MIDEAS: variants seen among roughly 807,000 people sequenced by gnomAD.
MIDEAS encodes mitotic deacetylase associated SANT domain protein, also known as mitotic deacetylase-associated SANT domain protein.
A neutral mutation model predicts 102.7 loss-of-function variants in MIDEAS; 26 were observed. The ratio of observed to expected loss-of-function variants is 0.25; its 90% CI spans 0.19 to 0.35. The LOEUF is 0.35. Among genes scored for constraint, MIDEAS ranks in the 10% least tolerant of loss-of-function variants. MIDEAS has a pLI of 1.00. For synonymous variants in MIDEAS, 585 were observed against 591.0 expected (o/e 0.99, Z 0.15); for missense variants, 1,231 against 1,435.6 (o/e 0.86, Z 2.30).
At chr14:73,778,395 G>T (rs1038189228) in intron 1 of MIDEAS, among the ~76,000 whole-genome samples, 10 of 149,396 alleles carry the variant, frequency 6.7e-5, no homozygotes, top group Admixed American at 2.0e-4. Context: ...GGAAGGTCAC[G>T]ACTGTTGTGG....
chr14:73,779,570 A>ATATT (rs1161075287), intron 1 of MIDEAS, among the ~76,000 whole-genome samples: 25 of 60,132 alleles, frequency 4.2e-4, no homozygotes, highest in East Asian at 3.9e-3. Context: ...TATTATTATT[A>ATATT]TTATTTTTTT....
At chr14:73,745,414 G>T (rs731222) in intron 1 of MIDEAS, among the ~76,000 whole-genome samples, 51,867 of 151,954 alleles carry the variant, frequency 0.34, 9,657 homozygotes, top group East Asian at 0.8. Flanking sequence ...CAAGCCTGTG[G>T]GTCTGTTTAC....
In MIDEAS at chr14:73,718,797, G is replaced by A. The variant is rs957144276; in HGVS notation, c.*46C>T. 7.4e-7 allele frequency: 1 copy of A among 1,357,846 alleles called. No individual in the cohort carries two copies. The highest frequency in any genetic ancestry group is 9.4e-7 in the Non-Finnish European group (1 of 1,060,744). The allele number at this position is 1,357,846 out of a possible 1,614,324, so 84.1% of individuals were successfully genotyped here. A position where few individuals can be genotyped will look rare whatever the true frequency, so the allele number is the denominator to read the frequency against. On this transcript the variant is annotated 3_prime_UTR_variant, in exon 13 of 13. Coordinates refer to ENST00000423556, the MANE Select transcript of MIDEAS (RefSeq NM_001367710.1). ...GGTGTCTGCGGGCGCTGGCGGCGGT[G>A]CGGGAAGGGCCGAGGCCCAGGACTG...
chr14:73,764,368 A>AAAAC (rs2053577603), upstream of MIDEAS, among the ~76,000 whole-genome samples: 2 of 150,416 alleles, frequency 1.3e-5, no homozygotes, highest in African/African-American at 4.9e-5. Context: ...AAAAAACAAA[A>AAAAC]CAAAACAAAA....
intron 1 of MIDEAS, among the ~76,000 whole-genome samples, chr14:73,768,454 A>T (rs367819129): frequency 6.6e-6 from 1 of 151,944 alleles, no homozygotes; most frequent in East Asian, 1.9e-4. Flanking sequence ...TCTCCCTCAC[A>T]GATGTGTTTT....
chr14:73,720,532 C>A (rs61234581), intron 11 of MIDEAS, among the ~76,000 whole-genome samples: 7,147 of 152,202 alleles, frequency 0.047, 570 homozygotes, highest in African/African-American at 0.16. Context: ...CAGGTGTGAG[C>A]CACTGCGCCC....
chr14:73,727,393 C>T, intron 5 of MIDEAS, 65 bp downstream of exon 5: 2 of 1,556,784 alleles, frequency 1.3e-6, no homozygotes, highest in Middle Eastern at 1.7e-4. Context: ...TCCCAGGGCC[C>T]ACCTGCACAC....
upstream of MIDEAS, among the ~76,000 whole-genome samples, chr14:73,763,863 T>C (rs767300237): frequency 2.6e-5 from 4 of 151,674 alleles, no homozygotes; most frequent in African/African-American, 7.3e-5. Flanking sequence ...ACAGATGCAC[T>C]GTTTAAGTGT....
chr14:73,747,305 C>A (rs1036527685), intron 1 of MIDEAS, among the ~76,000 whole-genome samples: 6 of 152,152 alleles, frequency 3.9e-5, no homozygotes, highest in Non-Finnish European at 5.9e-5. Context: ...GGTCCAGGAG[C>A]CGCCACTCAC....
At chr14:73,727,550 A>G in intron 4 of MIDEAS, 26 bp from the exon 5 acceptor site, 1 of 1,582,326 alleles carries the variant, frequency 6.3e-7, no homozygotes, top group Non-Finnish European at 8.6e-7. Context: ...CAGGTTGATA[A>G]ATAGCACCCC....
At chr14:73,767,198 A>G (rs567610652) in intron 1 of MIDEAS, among the ~76,000 whole-genome samples, 1 of 152,280 alleles carries the variant, frequency 6.6e-6, no homozygotes, top group East Asian at 1.9e-4. Flanking sequence ...CTTCTAATCA[A>G]TGGCTTCTTA....
upstream of MIDEAS, chr14:73,787,587 G>A (rs1367654607): frequency 6.6e-6 from 1 of 152,304 alleles, no homozygotes; most frequent in African/African-American, 2.4e-5. Context: ...CAAACAAAGC[G>A]GTGGGGGAGG....
chr14:73,740,200 G>A lies in MIDEAS; in HGVS notation c.-192C>T. 1 of 585,944 alleles carries A rather than the reference G, an allele frequency of 1.7e-6. No homozygotes were observed. Among genetic ancestry groups the A allele is most frequent in the Admixed American group, 4.0e-5 (1 of 24,854 alleles). 36.3% of individuals were successfully genotyped at this position (585,944 alleles called of 1,614,324 possible). A position where few individuals can be genotyped will look rare whatever the true frequency, so the allele number is the denominator to read the frequency against. ...TGGCTCTTCCTTTCTCTTCCAGAGAGGCTCTGGGGCTCAGCTACTCTTCCC... is the reference window on the plus strand; with the variant it reads ...TGGCTCTTCCTTTCTCTTCCAGAGAAGCTCTGGGGCTCAGCTACTCTTCCC... On this transcript the variant is annotated 5_prime_UTR_variant, in exon 2 of 13. Coordinates refer to ENST00000423556, the MANE Select transcript of MIDEAS (RefSeq NM_001367710.1).
At chr14:73,748,293 T>C (rs2053378851) in intron 1 of MIDEAS, among the ~76,000 whole-genome samples, 1 of 152,174 alleles carries the variant, frequency 6.6e-6, no homozygotes, top group African/African-American at 2.4e-5. Flanking sequence ...TGCAATTATA[T>C]GGCAGAACAG....
intron 1 of MIDEAS, among the ~76,000 whole-genome samples, chr14:73,773,794 G>A (rs1470050797): frequency 3.3e-5 from 5 of 151,760 alleles, no homozygotes; most frequent in African/African-American, 9.7e-5. Context: ...AGGCTGAGGC[G>A]GGTGGATCAC....
chr14:73,719,229 C>CCCCCCCCCCCCCCCCCCCCCCCCCT, intron 12 of MIDEAS, 76 bp downstream of exon 12: 1 of 780,778 alleles, frequency 1.3e-6, no homozygotes, highest in East Asian at 4.6e-5. Flanking sequence ...TCTTCCCCCT[C>CCCCCCCCCCCCCCCCCCCCCCCCCT]CCCTCCACCC....
At chr14:73,730,141 T>C (rs6574140) in intron 3 of MIDEAS, 156 bp from the exon 4 acceptor site, 615,393 of 786,988 alleles carry the variant, frequency 0.78, 242,717 homozygotes, top group East Asian at 0.96. Flanking sequence ...AAAAGCCCTT[T>C]TTATCATCTC....
chr14:73,749,825 C>T (rs1372219032), intron 1 of MIDEAS, among the ~76,000 whole-genome samples: 1 of 152,172 alleles, frequency 6.6e-6, no homozygotes, highest in African/African-American at 2.4e-5. Flanking sequence ...GCCCCTCCCT[C>T]CTCAGCCCAT....
rs189447560 is a variant in MIDEAS at position 73,742,898 on chromosome 14, G to A, written c.-247-2643C>T. Among the ~76,000 whole-genome samples, 37 of 152,224 alleles carry A rather than the reference G, an allele frequency of 2.4e-4. No homozygotes were observed. Among genetic ancestry groups the A allele is most frequent in the African/African-American group, 8.9e-4 (37 of 41,520 alleles). On this transcript the variant is annotated intron_variant, in intron 1 of 12. Coordinates refer to ENST00000423556, the MANE Select transcript of MIDEAS (RefSeq NM_001367710.1). The surrounding 1 kb of genome is among the most constrained non-coding windows in gnomAD (Gnocchi z 4.4). The stretch of plus-strand genomic sequence containing the variant: ...AAGTAGTCATAGGAGTAATGATGAT[G>A]GTGATGGTGCACCCGTGCCAGGCAG...
Sources: gnomAD v4.1 joint callset for allele counts (sites outside exome capture counted in the v4.1 genomes callset) on GRCh38, gnomAD v4.1.1 for gene constraint, Gnocchi (gnomAD v3.1) non-coding constraint, MANE v1.5 for transcripts, NCBI Gene and HGNC (gene_info 2026-07-23, HGNC 2026-07-21) for gene names.